SLIT3: variants seen among roughly 807,000 people sequenced by gnomAD.
The protein encoded by SLIT3 is slit homolog 3 protein.
A neutral mutation model predicts 184.0 loss-of-function variants in SLIT3; 68 were observed. The observed-to-expected ratio is 0.37, with a 90% CI of 0.30 to 0.45. The LOEUF (loss-of-function observed/expected upper bound fraction) is 0.45. Ranked by LOEUF, SLIT3 falls within the 20% of genes least tolerant of loss-of-function variation. The pLI is 1.00. For synonymous variants in SLIT3, 831 were observed against 828.6 expected (o/e 1.00, Z -0.05); for missense variants, 1,707 against 2,026.0 (o/e 0.84, Z 3.02).
chr5:169,193,558 G>A lies in SLIT3; in HGVS notation c.342-8C>T. ...TTATTCTTGTTCAGGCGCCTAAAGA[G>A]GAAAGAGAATGGAAGGATGTCAAGG... is the stretch of plus-strand genomic sequence containing the variant. On this transcript the variant is annotated splice_polypyrimidine_tract_variant and splice_region_variant and intron_variant, in intron 3 of 35. Coordinates refer to ENST00000519560, the MANE Select transcript of SLIT3 (RefSeq NM_003062.4). 2 of 1,612,814 alleles carry A rather than the reference G, an allele frequency of 1.2e-6. No individual in the cohort carries two copies.
chr5:168,814,719 G>A lies in SLIT3; in HGVS notation c.793+2581C>T, dbSNP rs565647674. Among the ~76,000 whole-genome samples, 7 of 152,284 alleles carry A rather than the reference G, an allele frequency of 4.6e-5. No individual in the cohort carries two copies. The South Asian group carries it at 1.5e-3, about 32-fold the overall frequency. On this transcript the variant is annotated intron_variant, in intron 8 of 35. Coordinates refer to ENST00000519560, the MANE Select transcript of SLIT3 (RefSeq NM_003062.4). ...GAAAACGCATTAGGTTGGTGCAAAA[G>A]GTACAAAAGTATTCGCAGTTTTTGC...
At chr5:169,066,513 A>G (rs946084578) in intron 4 of SLIT3, among the ~76,000 whole-genome samples, 2 of 152,244 alleles carry the variant, frequency 1.3e-5, no homozygotes, top group African/African-American at 2.4e-5. Flanking sequence ...AACCTAGGAA[A>G]ATAATTAATG....
chr5:168,972,676 A>T (rs994578538), intron 4 of SLIT3, among the ~76,000 whole-genome samples: 1 of 152,092 alleles, frequency 6.6e-6, no homozygotes, highest in Non-Finnish European at 1.5e-5. Flanking sequence ...AATCCTGATG[A>T]AGGTTCCATG....
At chr5:169,286,399 C>T (rs922272930) in intron 1 of SLIT3, among the ~76,000 whole-genome samples, 4 of 152,094 alleles carry the variant, frequency 2.6e-5, no homozygotes, top group African/African-American at 9.7e-5. Flanking sequence ...CCAGCCACTT[C>T]CCGAAGCAGC....
At chr5:169,278,081 C>A (rs1467529925) in intron 1 of SLIT3, among the ~76,000 whole-genome samples, 1 of 152,186 alleles carries the variant, frequency 6.6e-6, no homozygotes, top group Admixed American at 6.5e-5. Flanking sequence ...CTCCTGCTTA[C>A]AATATTGTAA....
At chr5:169,115,879 C>T (rs937631850) in intron 4 of SLIT3, among the ~76,000 whole-genome samples, 1 of 152,156 alleles carries the variant, frequency 6.6e-6, no homozygotes, top group African/African-American at 2.4e-5. Context: ...AAGGCCACCC[C>T]CACTTTGGAC....
chr5:169,162,291 G>C (rs1477424089), intron 4 of SLIT3, among the ~76,000 whole-genome samples: 2 of 152,208 alleles, frequency 1.3e-5, no homozygotes, highest in Non-Finnish European at 2.9e-5. Context: ...AAACTGGTGG[G>C]TAGGTTCAGC....
intron 9 of SLIT3, among the ~76,000 whole-genome samples, chr5:168,800,451 G>T (rs569795965): frequency 6.6e-6 from 1 of 152,308 alleles, no homozygotes; most frequent in East Asian, 1.9e-4. Flanking sequence ...GCTGGGCATG[G>T]TGGTGGGTGT....
chr5:169,098,481 T>C (rs998234062), intron 4 of SLIT3, among the ~76,000 whole-genome samples: 1 of 152,198 alleles, frequency 6.6e-6, no homozygotes. Context: ...AATGCTGGGA[T>C]GCACAGAGGA....
At chr5:168,916,890 C>G (rs1037189827) in intron 4 of SLIT3, among the ~76,000 whole-genome samples, 1 of 152,124 alleles carries the variant, frequency 6.6e-6, no homozygotes, top group Non-Finnish European at 1.5e-5. Flanking sequence ...TCGGGGCTGG[C>G]TAGATTGCTG....
At chr5:168,781,182 C>T (rs1400976290) in intron 12 of SLIT3, among the ~76,000 whole-genome samples, 1 of 152,152 alleles carries the variant, frequency 6.6e-6, no homozygotes, top group Non-Finnish European at 1.5e-5. Flanking sequence ...TAGGAGGGTG[C>T]TAGGAATGGG....
intron 4 of SLIT3, among the ~76,000 whole-genome samples, chr5:169,144,929 G>T (rs1403417472): frequency 6.6e-6 from 1 of 152,178 alleles, no homozygotes; most frequent in African/African-American, 2.4e-5. Context: ...TCCTTAATCT[G>T]CCAGGGAGCA....
chr5:169,027,821 A>T (rs777634402), intron 4 of SLIT3, among the ~76,000 whole-genome samples: 1 of 152,218 alleles, frequency 6.6e-6, no homozygotes, highest in Non-Finnish European at 1.5e-5. Context: ...CTCCAAACCT[A>T]AACAGCCCCT....
intron 12 of SLIT3, among the ~76,000 whole-genome samples, chr5:168,779,736 A>C (rs796175827): frequency 1.3e-5 from 2 of 152,272 alleles, no homozygotes; most frequent in African/African-American, 4.8e-5. Context: ...AACCCTCGTG[A>C]CTCAAGTCTT....
At chr5:169,086,429 T>C (rs1012141437) in intron 4 of SLIT3, among the ~76,000 whole-genome samples, 28 of 152,230 alleles carry the variant, frequency 1.8e-4, no homozygotes, top group African/African-American at 6.0e-4. Flanking sequence ...ATAACACCAA[T>C]GAGATTCCTT....
Position 168,766,272 on chromosome 5 carries a change from G to A in SLIT3, c.1460-3583C>T, listed in dbSNP as rs1755342280. Among the ~76,000 whole-genome samples the A allele has an allele frequency of 2.6e-5, 4 of 152,210 alleles. 1 individual carries two copies. In the South Asian group the frequency reaches 6.2e-4, roughly 24 times the overall value. The stretch of plus-strand genomic sequence containing the variant: ...CCTATTCCCAATATCCCTAAGATGA[G>A]TGGAATAAAAGAAAGGAGGAAAGAA... On this transcript the variant is annotated intron_variant, in intron 14 of 35. Coordinates refer to ENST00000519560, the MANE Select transcript of SLIT3 (RefSeq NM_003062.4).
chr5:168,802,315 G>A (rs929655832), intron 9 of SLIT3, among the ~76,000 whole-genome samples: 3 of 151,974 alleles, frequency 2.0e-5, no homozygotes, highest in African/African-American at 7.3e-5. Flanking sequence ...CATCACACAG[G>A]TCCCCAGGTA....
Position 168,692,818 on chromosome 5 carries a change from T to G in SLIT3, c.3083-118A>C, listed in dbSNP as rs1761948125. The G allele has an allele frequency of 4.4e-6, 3 of 687,694 alleles. No homozygotes were observed. The South Asian group carries it at 5.3e-5, about 12-fold the overall frequency. 42.6% of individuals were successfully genotyped at this position (687,694 alleles called of 1,614,324 possible). On this transcript the variant is annotated intron_variant, in intron 28 of 35. Transcript: ENST00000519560. Reference sequence around the variant, plus strand: ...AAGATCAGACTCATCCAGCCCCTGGTCAGGTGGGCATGGACGTCAGGAGTC... The same window carrying G: ...AAGATCAGACTCATCCAGCCCCTGGGCAGGTGGGCATGGACGTCAGGAGTC...
In SLIT3 at chr5:169,137,372, A is replaced by C. The variant is rs902735967; in HGVS notation, c.413+56107T>G. Among the ~76,000 whole-genome samples, 9 of 151,122 alleles carry C rather than the reference A, an allele frequency of 6.0e-5. No individual in the cohort carries two copies. In the East Asian group the frequency reaches 1.2e-3, roughly 20 times the overall value. On this transcript the variant is annotated intron_variant, in intron 4 of 35. Transcript: ENST00000519560. ...GAGAGAGAGAAACAGTTTGCTTCAC[A>C]GCGGGAAGCAGGGGAAGGGTATCTA...
Sources: allele counts gnomAD v4.1 joint callset (sites outside exome capture counted in the v4.1 genomes callset), GRCh38; gene constraint gnomAD v4.1.1; transcripts MANE v1.5; gene names NCBI Gene and HGNC (gene_info 2026-07-23, HGNC 2026-07-21).